MADD: variants seen among roughly 807,000 people sequenced by gnomAD.
MADD encodes MAP kinase activating death domain, also known as MAP kinase-activating death domain protein.
Under a neutral mutation model 176.7 loss-of-function variants are expected in MADD, and 109 were observed. The ratio of observed to expected loss-of-function variants is 0.62; its 90% CI spans 0.53 to 0.72. The LOEUF is 0.72. Among genes scored for constraint, MADD ranks in the 30% least tolerant of loss-of-function variants. The pLI is 0.00. For missense variants in MADD, 1,914 were observed against 2,045.5 expected, an observed-to-expected ratio of 0.94 and a Z score of 1.24; for synonymous variants, 771 against 771.3, an observed-to-expected ratio of 1.00 and a Z score of 0.01.
chr11:47,279,774 C>T (rs1230379862), intron 7 of MADD, among the ~76,000 whole-genome samples: 3 of 151,688 alleles, frequency 2.0e-5, no homozygotes, highest in Non-Finnish European at 4.4e-5. Context: ...TTCCTTTCTT[C>T]AAAAATTCCT....
intron 15 of MADD, among the ~76,000 whole-genome samples, chr11:47,288,601 C>G (rs1263736525): frequency 6.6e-6 from 1 of 152,228 alleles, no homozygotes. Flanking sequence ...CCCCACTCCC[C>G]ACAACAGCAT....
At chr11:47,295,824 G>A (rs2071080783) in intron 21 of MADD, 73 bp from the exon 24 acceptor site, 2 of 1,547,242 alleles carry the variant, frequency 1.3e-6, no homozygotes, top group East Asian at 2.3e-5. Flanking sequence ...ATGGTGGCAG[G>A]GAGCTCTAAC....
At chr11:47,328,353 G>C in intron 31 of MADD, 1 of 1,305,098 alleles carries the variant, frequency 7.7e-7, no homozygotes, top group Non-Finnish European at 9.8e-7. Context: ...CCAGGCTGGT[G>C]AAAGGCCCGT....
rs1026160696 is a variant in MADD at position 47,283,071 on chromosome 11, A to G, written c.1862+102A>G. On this transcript the variant is annotated intron_variant, in intron 10 of 32. Transcript: ENST00000402192. ...CAAAGTCTCATAGGCTTCCCATATCAGTGTTTTTAATTTTATTTTATTTTA... is the reference window on the plus strand; with the variant it reads ...CAAAGTCTCATAGGCTTCCCATATCGGTGTTTTTAATTTTATTTTATTTTA... 8 of 942,662 alleles carry G rather than the reference A, an allele frequency of 8.5e-6. No individual in the cohort carries two copies. The East Asian group carries it at 9.4e-5, about 11-fold the overall frequency. 58.4% of individuals were successfully genotyped at this position (942,662 alleles called of 1,614,324 possible). A position where few individuals can be genotyped will look rare whatever the true frequency, so the allele number is the denominator to read the frequency against.
At chr11:47,316,470 C>T (rs2141387822) in intron 27 of MADD, among the ~76,000 whole-genome samples, 1 of 149,346 alleles carries the variant, frequency 6.7e-6, no homozygotes, top group East Asian at 2.0e-4. Flanking sequence ...CTCACTGCAA[C>T]CTCCACCTCC....
At chr11:47,283,697 G>C (rs1025753289) in intron 10 of MADD, among the ~76,000 whole-genome samples, 1 of 152,162 alleles carries the variant, frequency 6.6e-6, no homozygotes, top group Non-Finnish European at 1.5e-5. Context: ...CCAGCCACCC[G>C]AGTAGCTGGG....
intron 23 of MADD, 123 bp from the exon 26 acceptor site, chr11:47,308,857 G>GA (rs1185619505): frequency 9.2e-7 from 1 of 1,084,172 alleles, no homozygotes; most frequent in African/African-American, 1.6e-5. Context: ...ACTGGGTCCA[G>GA]AACAAGCAGT....
At chr11:47,285,049 G>A in exon 13 of MADD, 1 of 1,614,168 alleles carries the variant, frequency 6.2e-7, no homozygotes, top group Non-Finnish European at 8.5e-7. Context: ...CAGACGTCAG[G>A]CAGAAATTGG....
intron 16 of MADD, 64 bp downstream of exon 17, chr11:47,289,557 C>A: frequency 1.5e-6 from 2 of 1,340,130 alleles, no homozygotes; most frequent in Non-Finnish European, 1.1e-6. Context: ...CTCTACAGAA[C>A]TTTAGGGATG....
At position 47,289,387 on chromosome 11, in the gene MADD, A is replaced by G; in HGVS notation, c.2654-4A>G. ...GTCTCTCATTCCTGCCTTCCCTGCC[A>G]CAGGAAACAGGAGGGCGTTAGTGGA... On this transcript the variant is annotated splice_polypyrimidine_tract_variant and splice_region_variant and intron_variant, in intron 15 of 32. Transcript: ENST00000402192. The G allele has an allele frequency of 1.2e-6, 2 of 1,611,570 alleles. No individual in the cohort carries two copies. The highest frequency in any genetic ancestry group is 1.7e-4 in the Middle Eastern group (1 of 6,052).
chr11:47,324,612 T>G, intron 30 of MADD, 35 bp downstream of exon 33: 1 of 1,458,716 alleles, frequency 6.9e-7, no homozygotes, highest in Non-Finnish European at 9.6e-7. Context: ...CTCCCTGTCG[T>G]TCCATCTGTA....
intron 25 of MADD, among the ~76,000 whole-genome samples, chr11:47,310,106 C>T (rs1331054560): frequency 2.6e-5 from 4 of 151,392 alleles, no homozygotes; most frequent in African/African-American, 9.7e-5. Flanking sequence ...CCTCCCAAAG[C>T]GCTGGGATTA....
exon 6 of MADD, chr11:47,278,189 A>G: frequency 1.2e-6 from 2 of 1,614,058 alleles, no homozygotes; most frequent in Non-Finnish European, 1.7e-6. Flanking sequence ...AACCCCGTAC[A>G]TCATTGGGGT....
At chr11:47,276,565 G>T in intron 4 of MADD, 167 bp from the exon 5 acceptor site, 1 of 725,476 alleles carries the variant, frequency 1.4e-6, no homozygotes, top group Non-Finnish European at 2.3e-6. Context: ...TCACCATTGT[G>T]CCTGGATTGG....
At chr11:47,321,163 A>C (rs927228705) in intron 27 of MADD, among the ~76,000 whole-genome samples, 12 of 152,308 alleles carry the variant, frequency 7.9e-5, no homozygotes, top group African/African-American at 2.9e-4. Flanking sequence ...TCTAGACTAG[A>C]ATGCTCTAGC....
In MADD at chr11:47,290,601, T is replaced by A. The variant is rs2064347844; in HGVS notation, c.3095-9T>A. The A allele has an allele frequency of 6.2e-7, 1 of 1,610,442 alleles. No homozygotes were observed. Among genetic ancestry groups the A allele is most frequent in the Admixed American group, 1.7e-5 (1 of 59,600 alleles). On this transcript the variant is annotated splice_polypyrimidine_tract_variant and intron_variant, in intron 18 of 32. Transcript: ENST00000402192. ...TACTTCTCTTGACCTCTTGATATTT[T>A]TCCCTCAGAACCAGACAAGCGGAAG...
At chr11:47,319,399 C>G (rs907178644) in intron 27 of MADD, among the ~76,000 whole-genome samples, 19 of 152,174 alleles carry the variant, frequency 1.2e-4, no homozygotes, top group African/African-American at 4.3e-4. Context: ...TCCCAAAATG[C>G]TAGGATTACA....
intron 14 of MADD, 101 bp from the exon 15 acceptor site, chr11:47,286,332 G>T (rs1261599368): frequency 3.9e-6 from 3 of 777,928 alleles, no homozygotes; most frequent in African/African-American, 3.4e-5. Flanking sequence ...AACTGGGATT[G>T]TGTTTGAAAA....
At chr11:47,302,070 A>G (rs1248773084) in intron 22 of MADD, among the ~76,000 whole-genome samples, 2 of 152,186 alleles carry the variant, frequency 1.3e-5, no homozygotes, top group African/African-American at 2.4e-5. Flanking sequence ...GAAGTCCCCA[A>G]CTGTTATTGT....
Sources: gnomAD v4.1 joint callset for allele counts (sites outside exome capture counted in the v4.1 genomes callset) on GRCh38, gnomAD v4.1.1 for gene constraint, MANE v1.5 for transcripts, NCBI Gene and HGNC (gene_info 2026-07-23, HGNC 2026-07-21) for gene names.